Variants in DNM3 observed in about 807,000 individuals in gnomAD.
The protein encoded by DNM3 is dynamin 3.
Under a neutral mutation model 101.6 loss-of-function variants are expected in DNM3, and 47 were observed. The ratio of observed to expected loss-of-function variants is 0.46; its 90% CI spans 0.37 to 0.59. The LOEUF (loss-of-function observed/expected upper bound fraction) is 0.59. Among genes scored for constraint, DNM3 ranks in the 20% least tolerant of loss-of-function variants. The pLI is 0.00. For synonymous variants in DNM3, 385 were observed against 387.9 expected (o/e 0.99, Z 0.09); for missense variants, 849 against 1,085.7 (o/e 0.78, Z 3.06).
chr1:172,305,342 G>C (rs1287634687), intron 15 of DNM3, among the ~76,000 whole-genome samples: 12 of 152,164 alleles, frequency 7.9e-5, no homozygotes, highest in Admixed American at 5.9e-4. Context: ...GGAAGAAGTT[G>C]AATCTCTGAA....
At position 172,388,714 on chromosome 1, in the gene DNM3, A is replaced by G. The variant is rs907153799; in HGVS notation, c.2427A>G (p.Pro809=). The G allele has an allele frequency of 3.1e-6, 5 of 1,613,724 alleles. No homozygotes were observed. The highest frequency in any genetic ancestry group is 1.3e-5 in the African/African-American group (1 of 75,034). ...HSGAPPVPFR[P]GPLPPFPSSS... ...GGGCTCCTCCAGTCCCATTCCGTCCAGGCCCATTACCTCCTTTCCCCAGCA... is the reference window on the plus strand; with the variant it reads ...GGGCTCCTCCAGTCCCATTCCGTCCGGGCCCATTACCTCCTTTCCCCAGCA... Residue 809 remains proline (P), a synonymous_variant, in exon 20 of 21, where the codon CCA becomes CCG. Transcript: ENST00000627582.
intron 13 of DNM3, among the ~76,000 whole-genome samples, chr1:172,099,802 A>G (rs1197969713): frequency 6.6e-6 from 1 of 152,238 alleles, no homozygotes; most frequent in Non-Finnish European, 1.5e-5. Flanking sequence ...GATAACAGAC[A>G]CTGGAGGGAG....
At chr1:172,242,885 G>T in intron 14 of DNM3, among the ~76,000 whole-genome samples, 1 of 152,102 alleles carries the variant, frequency 6.6e-6, no homozygotes, top group East Asian at 1.9e-4. Flanking sequence ...TCCCCCTGTA[G>T]GTATTTGGAG....
intron 18 of DNM3, 129 bp from the exon 19 acceptor site, chr1:172,387,004 C>T (rs2069219520): frequency 8.1e-6 from 6 of 736,934 alleles, no homozygotes; most frequent in Non-Finnish European, 1.4e-5. Flanking sequence ...TGGTGCTTCA[C>T]TTTTCCCAGG....
intron 17 of DNM3, among the ~76,000 whole-genome samples, chr1:172,341,106 A>G (rs915796012): frequency 1.3e-5 from 2 of 152,178 alleles, no homozygotes; most frequent in African/African-American, 2.4e-5. Context: ...CCAAGCCAAG[A>G]GCCAAATCAG....
intron 1 of DNM3, among the ~76,000 whole-genome samples, chr1:171,854,566 A>G (rs1017286335): frequency 6.6e-6 from 1 of 151,982 alleles, no homozygotes; most frequent in African/African-American, 2.4e-5. Flanking sequence ...TCTCAGCTCA[A>G]TCTATCAAAT....
intron 17 of DNM3, among the ~76,000 whole-genome samples, chr1:172,327,011 G>A (rs1277349115): frequency 6.6e-6 from 1 of 152,104 alleles, no homozygotes; most frequent in Admixed American, 6.6e-5. Flanking sequence ...TAGAGAGAAG[G>A]ATCATTTTAA....
intron 17 of DNM3, among the ~76,000 whole-genome samples, chr1:172,374,911 C>G (rs1162411676): frequency 1.3e-5 from 2 of 151,994 alleles, no homozygotes; most frequent in African/African-American, 4.8e-5. Context: ...ATTGCGTAGA[C>G]CTTATAATCC....
chr1:172,185,078 G>C (rs550758062), intron 14 of DNM3, among the ~76,000 whole-genome samples: 9 of 152,216 alleles, frequency 5.9e-5, no homozygotes, highest in Non-Finnish European at 1.3e-4. Context: ...CTCACTCAGT[G>C]TTCATGCTGG....
At chr1:172,037,033 GA>G in intron 6 of DNM3, among the ~76,000 whole-genome samples, 1 of 152,228 alleles carries the variant, frequency 6.6e-6, no homozygotes, top group East Asian at 1.9e-4. Context: ...CAAAAAACAT[GA>G]AAAAATGCTC....
At chr1:172,096,378 A>C (rs16843842) in intron 13 of DNM3, among the ~76,000 whole-genome samples, 5,478 of 152,310 alleles carry the variant, frequency 0.036, 230 homozygotes, top group East Asian at 0.13. Context: ...AGGTGAGACA[A>C]GACTGGAAAA....
At chr1:172,072,754 G>A in intron 11 of DNM3, among the ~76,000 whole-genome samples, 1 of 152,188 alleles carries the variant, frequency 6.6e-6, no homozygotes. Context: ...GGGCATGATG[G>A]CAGGTGCCTG....
At chr1:172,103,298 G>A (rs2054785025) in intron 13 of DNM3, among the ~76,000 whole-genome samples, 1 of 152,126 alleles carries the variant, frequency 6.6e-6, no homozygotes, top group African/African-American at 2.4e-5. Flanking sequence ...CTCTACCAAG[G>A]CAAGGATTTT....
chr1:172,300,262 A>G (rs1399652753), intron 15 of DNM3, among the ~76,000 whole-genome samples: 1 of 152,030 alleles, frequency 6.6e-6, no homozygotes, highest in African/African-American at 2.4e-5. Flanking sequence ...GAATTATTTA[A>G]GTTCCCTATA....
At chr1:172,317,827 G>C (rs570924026) in intron 16 of DNM3, among the ~76,000 whole-genome samples, 2,450 of 151,718 alleles carry the variant, frequency 0.016, 49 homozygotes, top group African/African-American at 0.053. Context: ...GGAACTGGTA[G>C]CATTCCTTCT....
intron 2 of DNM3, among the ~76,000 whole-genome samples, chr1:171,947,422 AT>A (rs1256548053): frequency 1.3e-5 from 2 of 152,198 alleles, no homozygotes; most frequent in Non-Finnish European, 2.9e-5. Context: ...AAGGCTTCTA[AT>A]TTGACTAGGC....
intron 15 of DNM3, among the ~76,000 whole-genome samples, chr1:172,278,495 A>G (rs1346464205): frequency 6.6e-6 from 1 of 152,166 alleles, no homozygotes; most frequent in Non-Finnish European, 1.5e-5. Flanking sequence ...ATCCAAAGCC[A>G]TCCTGGGCCT....
intron 17 of DNM3, among the ~76,000 whole-genome samples, chr1:172,336,470 CAATT>C (rs1448926264): frequency 6.8e-6 from 1 of 147,838 alleles, no homozygotes; most frequent in African/African-American, 2.6e-5. Context: ...AGGAAATACA[CAATT>C]AAAGGTTTTC....
intron 13 of DNM3, among the ~76,000 whole-genome samples, chr1:172,105,715 G>A (rs978866044): frequency 2.0e-5 from 3 of 151,858 alleles, no homozygotes; most frequent in African/African-American, 7.3e-5. Context: ...TTCACTTGCT[G>A]TTTTCCCATC....
Sources: gnomAD v4.1 joint callset for allele counts (sites outside exome capture counted in the v4.1 genomes callset) on GRCh38, gnomAD v4.1.1 for gene constraint, MANE v1.5 for transcripts, NCBI Gene and HGNC (gene_info 2026-07-23, HGNC 2026-07-21) for gene names.